Variants in IL21R observed in about 807,000 individuals in gnomAD.
IL21R encodes the protein interleukin-21 receptor.
Under a neutral mutation model 41.3 loss-of-function variants are expected in IL21R, and 14 were observed. The ratio of observed to expected loss-of-function variants is 0.34; its 90% CI spans 0.22 to 0.53. IL21R has a LOEUF of 0.53. Ranked by LOEUF, IL21R falls within the 20% of genes least tolerant of loss-of-function variation. The pLI is 0.94. For missense variants in IL21R, 588 were observed against 681.6 expected, an observed-to-expected ratio of 0.86 and a Z score of 1.53; for synonymous variants, 286 against 287.6, an observed-to-expected ratio of 0.99 and a Z score of 0.05.
chr16:27,426,750 A>G (rs1477299165), intron 1 of IL21R, among the ~76,000 whole-genome samples: 1 of 152,260 alleles, frequency 6.6e-6, no homozygotes, highest in Non-Finnish European at 1.5e-5. Context: ...GAGTTCAGAG[A>G]ATAAAAGAGC....
chr16:27,413,520 G>A (rs1219599716), intron 1 of IL21R, among the ~76,000 whole-genome samples: 2 of 150,538 alleles, frequency 1.3e-5, no homozygotes, highest in African/African-American at 4.9e-5. Context: ...GGATGAATTG[G>A]TGTTGATTCT....
intron 1 of IL21R, among the ~76,000 whole-genome samples, chr16:27,426,729 A>G (rs1374248571): frequency 6.6e-6 from 1 of 152,194 alleles, no homozygotes; most frequent in East Asian, 1.9e-4. Flanking sequence ...CCCATTTCAG[A>G]GATGGTAACT....
In IL21R at chr16:27,428,647, C is replaced by T. The variant is rs151246808; in HGVS notation, c.-16-1409C>T. 1.1e-3 allele frequency among the ~76,000 whole-genome samples: 168 copies of T among 152,334 alleles called. 3 individuals carry two copies. The highest frequency in any genetic ancestry group is 3.7e-3 in the African/African-American group (152 of 41,586). ...ACAAGTCCCAGGAGAAGCCTGGCAT[C>T]GCCAGACTGGTGGGGCATTCCTCTG... On this transcript the variant is annotated intron_variant, in intron 1 of 8. Transcript: ENST00000337929.
rs556938651 is a variant in IL21R at position 27,439,475 on chromosome 16, C to T, written c.352+1788C>T. Among the ~76,000 whole-genome samples the T allele has an allele frequency of 3.9e-5, 6 of 152,002 alleles. No individual in the cohort carries two copies. In the South Asian group the frequency reaches 6.2e-4, roughly 16 times the overall value. On this transcript the variant is annotated intron_variant, in intron 4 of 8. Transcript: ENST00000337929. ...ACACTCACACATGCATTCTCACACACGTGTAGACTCACACATGCACACACA... is the reference window on the plus strand; with the variant it reads ...ACACTCACACATGCATTCTCACACATGTGTAGACTCACACATGCACACACA...
chr16:27,403,150 G>A (rs1023687723), intron 1 of IL21R: 6 of 1,143,086 alleles, frequency 5.2e-6, no homozygotes, highest in Admixed American at 2.2e-5. Flanking sequence ...AGCAGGTCGG[G>A]CAGTCAAGCC....
chr16:27,439,648 G>GCACACATGCACACACT (rs1188957895), intron 4 of IL21R, among the ~76,000 whole-genome samples: 6 of 151,098 alleles, frequency 4.0e-5, no homozygotes, highest in South Asian at 4.2e-4. Flanking sequence ...TTACTCACGG[G>GCACACATGCACACACT]CACACATGCA....
At chr16:27,436,705 G>A (rs1193943150) in intron 3 of IL21R, among the ~76,000 whole-genome samples, 1 of 152,162 alleles carries the variant, frequency 6.6e-6, no homozygotes. Flanking sequence ...TTTCCCAGAA[G>A]TCCACCCAGA....
intron 8 of IL21R, 25 bp from the exon 9 acceptor site, chr16:27,448,509 G>A: frequency 6.4e-7 from 1 of 1,570,902 alleles, no homozygotes; most frequent in South Asian, 1.2e-5. Context: ...CCTGTGCTAT[G>A]ACTCTCTCTT....
Position 27,449,420 on chromosome 16 carries a change from CTG to C in IL21R, c.*150_*151del, listed in dbSNP as rs376985254. The C allele has an allele frequency of 8.4e-4, 664 of 786,392 alleles. No homozygotes were observed. Among genetic ancestry groups the C allele is most frequent in the Admixed American group, 1.7e-3 (57 of 33,254 alleles). 48.7% of individuals were successfully genotyped at this position (786,392 alleles called of 1,614,324 possible). A position where few individuals can be genotyped will look rare whatever the true frequency, so the allele number is the denominator to read the frequency against. On this transcript the variant is annotated 3_prime_UTR_variant, in exon 9 of 9. Transcript: ENST00000337929. ...CCTTTGAGCCTGATGTTTACAGTGT[CTG>C]TGTGTGTGTGTGCATATGTGTGTGT...
chr16:27,424,414 A>G (rs988406419), intron 1 of IL21R, among the ~76,000 whole-genome samples: 1 of 152,120 alleles, frequency 6.6e-6, no homozygotes, highest in African/African-American at 2.4e-5. Flanking sequence ...ACTCACTTCA[A>G]TCTAATTTCC....
At chr16:27,416,008 C>G (rs184079033) in intron 1 of IL21R, among the ~76,000 whole-genome samples, 1 of 152,278 alleles carries the variant, frequency 6.6e-6, no homozygotes, top group Admixed American at 6.5e-5. Flanking sequence ...TGTACAAAGT[C>G]CTCTTTAACT....
At chr16:27,412,280 T>C (rs981581838) in intron 1 of IL21R, among the ~76,000 whole-genome samples, 32 of 152,196 alleles carry the variant, frequency 2.1e-4, no homozygotes, top group Non-Finnish European at 2.1e-4. Flanking sequence ...CTCTATTCTT[T>C]TCCATTGGTC....
chr16:27,428,758 G>C (rs1026629876), intron 1 of IL21R, among the ~76,000 whole-genome samples: 2 of 152,232 alleles, frequency 1.3e-5, no homozygotes, highest in Non-Finnish European at 2.9e-5. Flanking sequence ...CAAATTAGGA[G>C]GTCAGGTTGT....
chr16:27,415,244 G>T (rs1331160807), intron 1 of IL21R, among the ~76,000 whole-genome samples: 1 of 152,170 alleles, frequency 6.6e-6, no homozygotes, highest in Non-Finnish European at 1.5e-5. Flanking sequence ...CACTTACTGG[G>T]TGCCAAACCA....
At chr16:27,440,248 T>TATATAGAGAGAGAGAGAGAGAG (rs1352160946) in intron 4 of IL21R, among the ~76,000 whole-genome samples, 2 of 64,042 alleles carry the variant, frequency 3.1e-5, no homozygotes, top group African/African-American at 8.8e-5. Context: ...TATATATATA[T>TATATAGAGAGAGAGAGAGAGAG]AGAGAGAGAG....
At chr16:27,427,423 T>A in intron 1 of IL21R, 4 of 663,306 alleles carry the variant, frequency 6.0e-6, no homozygotes, top group Non-Finnish European at 7.5e-6. Context: ...AAAGACAGGG[T>A]CTCACTCTTT....
At chr16:27,435,434 T>TTTTTA (rs377373260) in intron 3 of IL21R, among the ~76,000 whole-genome samples, 4,862 of 151,240 alleles carry the variant, frequency 0.032, 86 homozygotes, top group Middle Eastern at 0.058. Flanking sequence ...TGCTTTCTCT[T>TTTTTA]TTTTATTTTA....
chr16:27,445,846 T>C (rs2087466263), intron 7 of IL21R, among the ~76,000 whole-genome samples, 161 bp from the exon 8 acceptor site: 1 of 152,132 alleles, frequency 6.6e-6, no homozygotes, highest in Admixed American at 6.5e-5. Flanking sequence ...TTCTCCCATT[T>C]TACAGAAGGG....
intron 4 of IL21R, among the ~76,000 whole-genome samples, chr16:27,442,148 TTGTG>T (rs1480302127): frequency 6.6e-6 from 1 of 152,064 alleles, no homozygotes; most frequent in Admixed American, 6.6e-5. Flanking sequence ...GCGTGTGCAT[TTGTG>T]TGTGTGCATG....
Sources: gnomAD v4.1 joint callset for allele counts (sites outside exome capture counted in the v4.1 genomes callset) on GRCh38, gnomAD v4.1.1 for gene constraint, MANE v1.5 for transcripts, NCBI Gene and HGNC (gene_info 2026-07-23, HGNC 2026-07-21) for gene names.